The following OPCML variants were observed in gnomAD, a reference collection of about 807,000 sequenced individuals.
OPCML encodes the protein opioid binding protein/cell adhesion molecule like.
Under a neutral mutation model 37.8 loss-of-function variants are expected in OPCML, and 13 were observed. The observed-to-expected ratio is 0.34, with a 90% confidence interval of 0.22 to 0.55. OPCML has a LOEUF of 0.55. OPCML is among the 20% of genes least tolerant of loss of function. The pLI is 0.91. For synonymous variants in OPCML, 176 were observed against 168.8 expected (o/e 1.04, Z -0.33); for missense variants, 341 against 435.6 (o/e 0.78, Z 1.93).
At chr11:132,447,244 G>A (rs2096057770) in intron 4 of OPCML, among the ~76,000 whole-genome samples, 1 of 152,148 alleles carries the variant, frequency 6.6e-6, no homozygotes. Flanking sequence ...GAGCTGGGTG[G>A]ACCCATAGTT....
chr11:133,532,215 G>T, intron 1 of OPCML, 49 bp downstream of exon 1: 2 of 1,600,058 alleles, frequency 1.2e-6, no homozygotes, highest in South Asian at 2.3e-5. Flanking sequence ...CTGCTCTCAC[G>T]TCGTACAATC....
chr11:132,837,925 G>C (rs1941111789), intron 2 of OPCML, among the ~76,000 whole-genome samples: 1 of 152,184 alleles, frequency 6.6e-6, no homozygotes, highest in Non-Finnish European at 1.5e-5. Context: ...GAAGGCTGGA[G>C]GGCCTCACGT....
chr11:132,858,806 G>T (rs369899531), intron 2 of OPCML, among the ~76,000 whole-genome samples: 2 of 152,126 alleles, frequency 1.3e-5, no homozygotes, highest in African/African-American at 4.8e-5. Context: ...AAGTACGTTC[G>T]CAAACCTAAT....
chr11:132,678,631 A>G (rs999858805), intron 2 of OPCML, among the ~76,000 whole-genome samples: 1 of 152,248 alleles, frequency 6.6e-6, no homozygotes, highest in Non-Finnish European at 1.5e-5. Context: ...TATGAATTTG[A>G]AAAGGCTACA....
chr11:132,581,146 G>T (rs1279136181), intron 3 of OPCML, among the ~76,000 whole-genome samples: 1 of 152,014 alleles, frequency 6.6e-6, no homozygotes, highest in Admixed American at 6.6e-5. Flanking sequence ...TCAGGTAAAT[G>T]CTGTTCCCCA....
chr11:132,787,967 G>T (rs369608127), intron 2 of OPCML, among the ~76,000 whole-genome samples: 4 of 152,122 alleles, frequency 2.6e-5, no homozygotes, highest in Admixed American at 1.3e-4. Flanking sequence ...TGCAACCTCC[G>T]CCTCCTGGGT....
intron 2 of OPCML, among the ~76,000 whole-genome samples, chr11:132,740,214 T>C (rs1048901378): frequency 6.6e-6 from 1 of 152,154 alleles, no homozygotes; most frequent in African/African-American, 2.4e-5. Context: ...AAACTAACAA[T>C]AACGTATCTG....
Position 133,134,896 on chromosome 11 carries a change from T to G in OPCML, c.62-191886A>C, listed in dbSNP as rs1479934367. 2.0e-5 allele frequency among the ~76,000 whole-genome samples: 3 copies of G among 152,300 alleles called. No homozygotes were observed. The East Asian group carries it at 5.8e-4, about 29-fold the overall frequency. Reference sequence around the variant, plus strand: ...TTGTGCATAATTACAGCCACTTTCTTTTACTTGTATTTTCTGGAGTATTTT... The same window carrying G: ...TTGTGCATAATTACAGCCACTTTCTGTTACTTGTATTTTCTGGAGTATTTT... On this transcript the variant is annotated intron_variant, in intron 1 of 7. Transcript: ENST00000524381.
At chr11:133,140,339 C>T (rs548811352) in intron 1 of OPCML, among the ~76,000 whole-genome samples, 82 of 149,394 alleles carry the variant, frequency 5.5e-4, no homozygotes, top group African/African-American at 1.9e-3. Flanking sequence ...TGGTGAAATG[C>T]CATCTCTACT....
At chr11:132,756,774 T>TTTTTCC (rs1455999206) in intron 2 of OPCML, among the ~76,000 whole-genome samples, 1 of 152,176 alleles carries the variant, frequency 6.6e-6, no homozygotes, top group Non-Finnish European at 1.5e-5. Context: ...CAAGGTCTTC[T>TTTTTCC]TTTTTCTTTT....
chr11:133,007,646 C>G (rs1947137776), intron 1 of OPCML: 1 of 985,176 alleles, frequency 1.0e-6, no homozygotes, highest in Non-Finnish European at 1.2e-6. Context: ...TTTTTATTCT[C>G]TTTCAGTCTT....
At chr11:133,087,141 C>T (rs1355855498) in intron 1 of OPCML, among the ~76,000 whole-genome samples, 2 of 152,190 alleles carry the variant, frequency 1.3e-5, no homozygotes, top group Non-Finnish European at 2.9e-5. Flanking sequence ...GAAGGTCACG[C>T]TGCTGGTTAG....
chr11:132,665,096 C>T (rs1461030942), intron 2 of OPCML, among the ~76,000 whole-genome samples: 2 of 152,108 alleles, frequency 1.3e-5, no homozygotes, highest in Non-Finnish European at 2.9e-5. Flanking sequence ...CGTGTGTGTG[C>T]ATGTGTATGT....
At chr11:133,485,141 T>C (rs900602647) in intron 1 of OPCML, among the ~76,000 whole-genome samples, 2 of 152,128 alleles carry the variant, frequency 1.3e-5, no homozygotes, top group Admixed American at 6.5e-5. Context: ...TTTTTAAAAA[T>C]ACAAACACTT....
At chr11:133,430,329 G>C (rs1428640135) in intron 1 of OPCML, among the ~76,000 whole-genome samples, 1 of 152,168 alleles carries the variant, frequency 6.6e-6, no homozygotes, top group Non-Finnish European at 1.5e-5. Flanking sequence ...GGGAAACAAA[G>C]AAATAGGGAA....
intron 1 of OPCML, among the ~76,000 whole-genome samples, chr11:133,245,707 C>T (rs572818743): frequency 1.2e-4 from 19 of 152,154 alleles, no homozygotes; most frequent in Non-Finnish European, 8.8e-5. Flanking sequence ...GCAAAGACTT[C>T]GAACCAACCC....
intron 1 of OPCML, among the ~76,000 whole-genome samples, chr11:133,284,978 A>G (rs370662003): frequency 6.6e-6 from 1 of 152,094 alleles, no homozygotes; most frequent in African/African-American, 2.4e-5. Flanking sequence ...GAGGGGTCTT[A>G]TTTGTATGCT....
chr11:133,338,990 G>A (rs1031149704), intron 1 of OPCML, among the ~76,000 whole-genome samples: 5 of 152,244 alleles, frequency 3.3e-5, no homozygotes, highest in African/African-American at 9.6e-5. Context: ...AGGACTGAGC[G>A]TGTCCAGCTG....
intron 1 of OPCML, among the ~76,000 whole-genome samples, chr11:133,202,006 G>A (rs1224746267): frequency 6.6e-6 from 1 of 151,564 alleles, no homozygotes; most frequent in African/African-American, 2.4e-5. Flanking sequence ...AGCCTTAATG[G>A]AGCTTATATT....
Sources: gnomAD v4.1 joint callset for allele counts (sites outside exome capture counted in the v4.1 genomes callset) on GRCh38, gnomAD v4.1.1 for gene constraint, MANE v1.5 for transcripts, NCBI Gene and HGNC (gene_info 2026-07-23, HGNC 2026-07-21) for gene names.